MAGI2: variants seen among roughly 807,000 people sequenced by gnomAD.
MAGI2 encodes the protein membrane-associated guanylate kinase, WW and PDZ domain-containing protein 2.
A neutral mutation model predicts 133.3 loss-of-function variants in MAGI2; 35 were observed. The ratio of observed to expected loss-of-function variants is 0.26; its 90% confidence interval spans 0.20 to 0.35. MAGI2 has a LOEUF of 0.35. MAGI2 is among the 10% of genes least tolerant of loss of function. The pLI is 1.00. For missense variants in MAGI2, 1,636 were observed against 1,863.4 expected (o/e 0.88, Z 2.25); for synonymous variants, 729 against 710.6 (o/e 1.03, Z -0.41).
intron 2 of MAGI2, among the ~76,000 whole-genome samples, chr7:78,729,085 C>T (rs1425367455): frequency 6.6e-6 from 1 of 152,080 alleles, no homozygotes; most frequent in Non-Finnish European, 1.5e-5. Context: ...TGATAATGAT[C>T]ATATGACTTA....
At chr7:79,149,067 A>ATT (rs1488900914) in intron 1 of MAGI2, among the ~76,000 whole-genome samples, 1 of 144,156 alleles carries the variant, frequency 6.9e-6, no homozygotes, top group African/African-American at 2.5e-5. Context: ...AATATAATAT[A>ATT]TTATATATAT....
chr7:78,082,674 G>T (rs1347389673), intron 20 of MAGI2, among the ~76,000 whole-genome samples: 1 of 152,036 alleles, frequency 6.6e-6, no homozygotes, highest in Non-Finnish European at 1.5e-5. Context: ...CTAAATCGAG[G>T]AAAAAACATT....
intron 1 of MAGI2, among the ~76,000 whole-genome samples, chr7:79,397,380 G>A (rs1169073719): frequency 1.3e-5 from 2 of 151,550 alleles, no homozygotes; most frequent in African/African-American, 2.4e-5. Flanking sequence ...TTCCCTGTTT[G>A]AATTTCCCCC....
At chr7:79,019,319 C>T (rs1249620510) in intron 1 of MAGI2, among the ~76,000 whole-genome samples, 1 of 152,106 alleles carries the variant, frequency 6.6e-6, no homozygotes, top group Admixed American at 6.6e-5. Flanking sequence ...TTCCCCCATG[C>T]TGTTCTTGTG....
intron 6 of MAGI2, among the ~76,000 whole-genome samples, chr7:78,396,994 G>C (rs1796405223): frequency 6.6e-6 from 1 of 152,072 alleles, no homozygotes; most frequent in African/African-American, 2.4e-5. Flanking sequence ...TGTGAGCTTA[G>C]AGCATTGTTG....
chr7:78,387,027 C>A (rs546086988), intron 6 of MAGI2, among the ~76,000 whole-genome samples: 3 of 152,284 alleles, frequency 2.0e-5, no homozygotes, highest in South Asian at 2.1e-4. Context: ...TCAGAATTAA[C>A]CCTGATAGAC....
chr7:78,668,089 C>G (rs924076101), intron 2 of MAGI2, among the ~76,000 whole-genome samples: 13 of 152,172 alleles, frequency 8.5e-5, no homozygotes, highest in African/African-American at 3.1e-4. Flanking sequence ...GCCATTCTAA[C>G]TGGTGTGAGA....
chr7:79,285,458 A>G (rs1835931584), intron 1 of MAGI2, among the ~76,000 whole-genome samples: 1 of 152,072 alleles, frequency 6.6e-6, no homozygotes, highest in Non-Finnish European at 1.5e-5. Context: ...AAAGATATTC[A>G]CCTCAGTGTC....
intron 1 of MAGI2, among the ~76,000 whole-genome samples, chr7:79,153,121 A>C (rs1585058005): frequency 6.6e-6 from 1 of 152,186 alleles, no homozygotes; most frequent in Non-Finnish European, 1.5e-5. Flanking sequence ...CCTAGATTCT[A>C]GTGAAAGGGA....
intron 1 of MAGI2, among the ~76,000 whole-genome samples, chr7:79,397,992 T>G (rs138542542): frequency 2.8e-4 from 42 of 152,336 alleles, no homozygotes; most frequent in Middle Eastern, 3.4e-3. Context: ...TCTTCTCTAA[T>G]GTAAGATAAC....
At chr7:78,657,083 C>T (rs1158498980) in intron 2 of MAGI2, among the ~76,000 whole-genome samples, 1 of 151,236 alleles carries the variant, frequency 6.6e-6, no homozygotes, top group African/African-American at 2.4e-5. Flanking sequence ...AAATGATGAT[C>T]CATATCATAT....
Position 78,302,831 on chromosome 7 carries a change from G to A in MAGI2, c.1408+40947C>T, listed in dbSNP as rs945779660. Among the ~76,000 whole-genome samples the A allele has an allele frequency of 6.6e-5, 10 of 152,146 alleles. No homozygotes were observed. In the East Asian group the frequency reaches 7.7e-4, roughly 12 times the overall value. The stretch of plus-strand genomic sequence containing the variant: ...CTTCCCCAATTCAGCTGATGGCAAC[G>A]TCATTACACAGTTGTTCTGCCTTAA... On this transcript the variant is annotated intron_variant, in intron 9 of 21. Transcript: ENST00000354212.
chr7:78,238,382 C>A (rs1790775603), intron 10 of MAGI2, among the ~76,000 whole-genome samples: 1 of 152,028 alleles, frequency 6.6e-6, no homozygotes, highest in African/African-American at 2.4e-5. Context: ...TAAAGGGCAA[C>A]TTTGTTCTGG....
At chr7:79,117,545 A>C (rs1337960198) in intron 1 of MAGI2, among the ~76,000 whole-genome samples, 1 of 152,200 alleles carries the variant, frequency 6.6e-6, no homozygotes, top group Non-Finnish European at 1.5e-5. Flanking sequence ...AATGGTACGA[A>C]GTCTTCTGGA....
rs556816301 is a variant in MAGI2, at chr7:79,004,653, C to T, written c.418+2437G>A. 7.9e-5 allele frequency among the ~76,000 whole-genome samples: 12 copies of T among 152,204 alleles called. No homozygotes were observed. The East Asian group carries it at 2.3e-3, about 29-fold the overall frequency. ...TGATAAATATTCAAAGTGATGGATA[C>T]CTCAAATACCTTGACTTGATCATTA... On this transcript the variant is annotated intron_variant, in intron 2 of 21. Transcript: ENST00000354212.
intron 3 of MAGI2, among the ~76,000 whole-genome samples, chr7:78,528,744 T>C (rs752242911): frequency 6.6e-6 from 1 of 152,170 alleles, no homozygotes; most frequent in African/African-American, 2.4e-5. Flanking sequence ...TTCCTCATCA[T>C]GTCATATGTA....
At chr7:79,408,792 G>T (rs1024271247) in intron 1 of MAGI2, among the ~76,000 whole-genome samples, 1 of 152,048 alleles carries the variant, frequency 6.6e-6, no homozygotes, top group African/African-American at 2.4e-5. Flanking sequence ...AAACCCATAG[G>T]TTATTCATAT....
Position 78,256,447 on chromosome 7 carries a change from CAAAG to C in MAGI2, c.1539_1542del (p.Phe514IlefsTer15). ...ATGCTGTTAGCAGGGTCTTCAGGAT[CAAAG>C]GGCAAAGGGTAGCCACGACACAACA... On this transcript the variant is annotated frameshift_variant, in exon 10 of 22. Transcript: ENST00000354212. LOFTEE classifies it high-confidence loss of function. The C allele has an allele frequency of 6.2e-7, 1 of 1,613,850 alleles. No individual in the cohort carries two copies. The highest frequency in any genetic ancestry group is 8.5e-7 in the Non-Finnish European group (1 of 1,179,942).
intron 3 of MAGI2, chr7:78,618,685 C>T (rs1474127990): frequency 6.6e-6 from 1 of 151,592 alleles, no homozygotes; most frequent in Non-Finnish European, 1.5e-5. Context: ...TACTATTCAG[C>T]CTTTAAAAAG....
Sources: allele counts gnomAD v4.1 joint callset (sites outside exome capture counted in the v4.1 genomes callset), GRCh38; gene constraint gnomAD v4.1.1; transcripts MANE v1.5; gene names NCBI Gene and HGNC (gene_info 2026-07-23, HGNC 2026-07-21).